Variants in IQGAP2 observed in about 807,000 individuals in gnomAD.
The protein encoded by IQGAP2 is IQ motif containing GTPase activating protein 2.
IQGAP2 carries 173 observed loss-of-function variants against 201.3 expected under a neutral mutation model. The ratio of observed to expected loss-of-function variants is 0.86; its 90% CI spans 0.76 to 0.98. IQGAP2 has a LOEUF of 0.98. Ranked by LOEUF, IQGAP2 falls within the 50% of genes least tolerant of loss-of-function variation. The probability of loss-of-function intolerance (pLI) is 0.00; values close to 1 mark genes in which losing one functional copy is unlikely to be tolerated. For missense variants in IQGAP2, 1,687 were observed against 1,864.8 expected (o/e 0.90, Z 1.76); for synonymous variants, 675 against 673.9 (o/e 1.00, Z -0.03).
At chr5:76,682,247 T>G (rs1333192531) in intron 28 of IQGAP2, among the ~76,000 whole-genome samples, 1 of 152,128 alleles carries the variant, frequency 6.6e-6, no homozygotes, top group Non-Finnish European at 1.5e-5. Context: ...GGAAAAAAGA[T>G]TGAAAATGGA....
At chr5:76,557,815 A>G (rs542755291) in intron 2 of IQGAP2, among the ~76,000 whole-genome samples, 1 of 151,958 alleles carries the variant, frequency 6.6e-6, no homozygotes, top group Non-Finnish European at 1.5e-5. Flanking sequence ...ATTTATTTTT[A>G]ATTTTTTTTG....
chr5:76,461,530 C>A, intron 1 of IQGAP2, 40 bp from the exon 2 acceptor site: 1 of 1,427,394 alleles, frequency 7.0e-7, no homozygotes, highest in Non-Finnish European at 9.9e-7. Context: ...TTAATGAAGA[C>A]TGCCTTTGTA....
intron 2 of IQGAP2, among the ~76,000 whole-genome samples, chr5:76,492,651 GTTT>G (rs1190474657): frequency 2.0e-5 from 3 of 152,076 alleles, no homozygotes; most frequent in Non-Finnish European, 4.4e-5. Flanking sequence ...GTGTGTGAAG[GTTT>G]TGTAACTTTG....
Position 76,659,866 on chromosome 5 carries a change from T to C in IQGAP2, c.2529+1199T>C, listed in dbSNP as rs1421139494. ...CACACTGCCCCCGTTATGCCCCCAT[T>C]GATAACTTCTAAATAAATTACGGTG... On this transcript the variant is annotated intron_variant, in intron 21 of 35. Transcript: ENST00000274364. Among the ~76,000 whole-genome samples, 3 of 152,174 alleles carry C rather than the reference T, an allele frequency of 2.0e-5. No individual in the cohort carries two copies. In the East Asian group the frequency reaches 5.8e-4, roughly 29 times the overall value.
chr5:76,690,077 G>A (rs1375727749), intron 30 of IQGAP2, among the ~76,000 whole-genome samples: 3 of 152,150 alleles, frequency 2.0e-5, no homozygotes, highest in African/African-American at 7.2e-5. Flanking sequence ...GGGAGAGCAA[G>A]ACCCGTGGTT....
intron 8 of IQGAP2, among the ~76,000 whole-genome samples, chr5:76,591,116 T>C (rs1281663241): frequency 6.6e-6 from 1 of 152,014 alleles, no homozygotes; most frequent in Non-Finnish European, 1.5e-5. Context: ...AAAGGGAATT[T>C]TGTGATGGAT....
chr5:76,705,857 C>T (rs73127579), intron 35 of IQGAP2, among the ~76,000 whole-genome samples: 1,767 of 152,296 alleles, frequency 0.012, 33 homozygotes, highest in Admixed American at 0.042. Flanking sequence ...ATTATATCTT[C>T]CATTGGGAAA....
At chr5:76,457,053 G>A (rs1425676050) in intron 1 of IQGAP2, among the ~76,000 whole-genome samples, 2 of 152,012 alleles carry the variant, frequency 1.3e-5, no homozygotes, top group Non-Finnish European at 2.9e-5. Context: ...ACAGTGGCGC[G>A]ATCATAGTTT....
chr5:76,465,505 C>T (rs1423757950), intron 2 of IQGAP2, among the ~76,000 whole-genome samples: 2 of 152,160 alleles, frequency 1.3e-5, no homozygotes, highest in Admixed American at 6.5e-5. Context: ...TTCTGTTTAA[C>T]ATTGTACTGG....
chr5:76,460,077 A>G (rs985579155), intron 1 of IQGAP2, among the ~76,000 whole-genome samples: 3 of 152,210 alleles, frequency 2.0e-5, no homozygotes, highest in Admixed American at 6.5e-5. Context: ...GGCAGGAGAC[A>G]TGAAGATGAT....
In IQGAP2 at chr5:76,678,897, G is replaced by A. The variant is rs576139635; in HGVS notation, c.3660+1547G>A. On this transcript the variant is annotated intron_variant, in intron 28 of 35. Coordinates refer to ENST00000274364, the MANE Select transcript of IQGAP2 (RefSeq NM_006633.5). The stretch of plus-strand genomic sequence containing the variant: ...CTAGTATTGATTTTCTTCTTTCAGG[G>A]TTGAAACAGGGAACTTCCCTGACAT... Among the ~76,000 whole-genome samples, 7 of 152,226 alleles carry A rather than the reference G, an allele frequency of 4.6e-5. No individual in the cohort carries two copies. In the South Asian group the frequency reaches 1.5e-3, roughly 32 times the overall value.
intron 1 of IQGAP2, among the ~76,000 whole-genome samples, chr5:76,411,060 G>T (rs1378359597): frequency 1.3e-5 from 2 of 152,214 alleles, no homozygotes; most frequent in Non-Finnish European, 1.5e-5. Flanking sequence ...CTGAGAGCTT[G>T]TTGGAAAGGC....
intron 10 of IQGAP2, among the ~76,000 whole-genome samples, chr5:76,598,042 AC>A (rs1747165233): frequency 6.6e-6 from 1 of 152,196 alleles, no homozygotes; most frequent in Non-Finnish European, 1.5e-5. Context: ...CCTTAATATG[AC>A]AACAGCATTC....
chr5:76,671,461 A>G (rs1289080511), intron 23 of IQGAP2, among the ~76,000 whole-genome samples: 1 of 151,762 alleles, frequency 6.6e-6, no homozygotes, highest in African/African-American at 2.4e-5. Flanking sequence ...AGGCAGGTGG[A>G]TCACCTGAGA....
chr5:76,553,712 A>T (rs766410651), intron 2 of IQGAP2, among the ~76,000 whole-genome samples: 3 of 152,164 alleles, frequency 2.0e-5, no homozygotes, highest in Non-Finnish European at 2.9e-5. Flanking sequence ...GTCCCACCCT[A>T]AAAAGGAAGA....
At chr5:76,456,868 C>T (rs1754113361) in intron 1 of IQGAP2, among the ~76,000 whole-genome samples, 1 of 152,134 alleles carries the variant, frequency 6.6e-6, no homozygotes, top group South Asian at 2.1e-4. Context: ...ACTGTTTGAG[C>T]TCAGGGGTAA....
intron 21 of IQGAP2, among the ~76,000 whole-genome samples, chr5:76,663,603 G>A (rs1743465198): frequency 6.6e-6 from 1 of 152,228 alleles, no homozygotes; most frequent in Non-Finnish European, 1.5e-5. Flanking sequence ...GAGGGTGTAT[G>A]TGTGTTCACT....
chr5:76,484,200 A>G (rs1755971883), intron 2 of IQGAP2, among the ~76,000 whole-genome samples: 1 of 151,706 alleles, frequency 6.6e-6, no homozygotes, highest in South Asian at 2.1e-4. Context: ...AGCAAACGAA[A>G]CTTCAAAGAA....
intron 21 of IQGAP2, among the ~76,000 whole-genome samples, chr5:76,661,407 T>C (rs544304948): frequency 6.6e-6 from 1 of 152,300 alleles, no homozygotes; most frequent in South Asian, 2.1e-4. Flanking sequence ...TCAGCCTAGC[T>C]GGAAGGAAAG....
Sources: gnomAD v4.1 joint callset for allele counts (sites outside exome capture counted in the v4.1 genomes callset) on GRCh38, gnomAD v4.1.1 for gene constraint, MANE v1.5 for transcripts, NCBI Gene and HGNC (gene_info 2026-07-23, HGNC 2026-07-21) for gene names.